Variants in C10orf90 observed in about 807,000 individuals in gnomAD.
C10orf90 encodes chromosome 10 open reading frame 90, also known as (E2-independent) E3 ubiquitin-conjugating enzyme FATS.
In C10orf90, 56 loss-of-function variants were observed where a neutral mutation model predicts 62.5. That is an observed-to-expected ratio of 0.90 (90% CI 0.72 to 1.12). The LOEUF is 1.12. Ranked by LOEUF, C10orf90 falls within the 50% of genes most tolerant of loss-of-function variation. C10orf90 has a pLI of 0.00. For synonymous variants in C10orf90, 386 were observed against 340.4 expected, an observed-to-expected ratio of 1.13 and a Z score of -1.47; for missense variants, 970 against 880.4, an observed-to-expected ratio of 1.10 and a Z score of -1.29.
chr10:126,497,864 G>A (rs759768954), intron 4 of C10orf90, among the ~76,000 whole-genome samples: 6 of 152,148 alleles, frequency 3.9e-5, no homozygotes, highest in Non-Finnish European at 7.4e-5. Context: ...GGCTGGACTC[G>A]GCCTCCTGGT....
chr10:126,559,386 G>A (rs1252293494), intron 2 of C10orf90, among the ~76,000 whole-genome samples: 2 of 152,134 alleles, frequency 1.3e-5, no homozygotes, highest in Non-Finnish European at 2.9e-5. Context: ...ATGGACACCT[G>A]ATATCCCTTC....
chr10:126,466,276 G>A (rs115238065), intron 4 of C10orf90, among the ~76,000 whole-genome samples: 2,454 of 152,032 alleles, frequency 0.016, 75 homozygotes, highest in African/African-American at 0.056. Context: ...TTGCTTGGGA[G>A]GCCGAGGCGG....
At position 126,497,184 on chromosome 10, in the gene C10orf90, T is replaced by C. The variant is rs374917228; in HGVS notation, c.1534+6773A>G. The stretch of plus-strand genomic sequence containing the variant: ...AAAATGACCAGCACAGGAGCACCTG[T>C]TCTTGCTGCTGATGGGAAAGGTGGC... On this transcript the variant is annotated intron_variant, in intron 4 of 9. Transcript: ENST00000488181. Among the ~76,000 whole-genome samples the C allele has an allele frequency of 1.1e-4, 17 of 152,254 alleles. No individual in the cohort carries two copies. The South Asian group carries it at 2.1e-3, about 19-fold the overall frequency.
chr10:126,594,316 A>C (rs1370106), intron 2 of C10orf90, among the ~76,000 whole-genome samples: 16,744 of 152,090 alleles, frequency 0.11, 1,658 homozygotes, highest in African/African-American at 0.24. Context: ...TGATTGTGTG[A>C]TATATATGTA....
At chr10:126,480,586 C>T (rs979132821) in intron 4 of C10orf90, among the ~76,000 whole-genome samples, 8 of 152,344 alleles carry the variant, frequency 5.3e-5, no homozygotes, top group South Asian at 2.1e-4. Flanking sequence ...GAACATACAG[C>T]GGCCTGCCCA....
chr10:126,504,467 G>T lies in C10orf90; in HGVS notation c.1024C>A (p.Pro342Thr). The T allele has an allele frequency of 6.2e-7, 1 of 1,614,186 alleles. No individual in the cohort carries two copies. Among genetic ancestry groups the T allele is most frequent in the Non-Finnish European group, 8.5e-7 (1 of 1,180,034 alleles). The change falls in exon 4 of 10, where the codon CCG becomes ACG. Residue 342 changes from proline to threonine, a missense_variant. By Grantham distance (38) the Pro-to-Thr change is conservative (BLOSUM62 -1). Transcript: ENST00000488181. This position sits in a 1 kb window ranked among gnomAD's most constrained non-coding sequence, Gnocchi z 4.1. The part of the protein sequence containing the change: ...SPDTPLSGKS[P>T]LVFSSCVHLR... ...TGGACACAGGAACTGAACACCAGCG[G>T]GCTCTTTCCTGACAGTGGGGTGTCT...
intron 7 of C10orf90, among the ~76,000 whole-genome samples, chr10:126,444,856 A>G (rs1450388718): frequency 6.6e-6 from 1 of 152,092 alleles, no homozygotes; most frequent in Non-Finnish European, 1.5e-5. Flanking sequence ...AGAGAACCCA[A>G]AAATAAGCTC....
chr10:126,621,425 C>T (rs1311173144), intron 2 of C10orf90, among the ~76,000 whole-genome samples: 1 of 152,174 alleles, frequency 6.6e-6, no homozygotes, highest in Non-Finnish European at 1.5e-5. Context: ...GAACTTGTGA[C>T]CCTTCATGTC....
chr10:126,520,985 T>C, intron 2 of C10orf90: 1 of 258,344 alleles, frequency 3.9e-6, no homozygotes, highest in Non-Finnish European at 7.3e-6. Flanking sequence ...CAAATGGCCC[T>C]TATCCCAATA....
rs376335766 is a variant in C10orf90, at chr10:126,601,657, A to G, written c.313+44908T>C. The stretch of plus-strand genomic sequence containing the variant: ...TAAATAGTATAAAGTGATTTTTCTA[A>G]TTATACCCTAGAATTCAGAGGCTGA... On this transcript the variant is annotated intron_variant, in intron 2 of 9. Transcript: ENST00000488181. 5.3e-5 allele frequency among the ~76,000 whole-genome samples: 8 copies of G among 152,324 alleles called. No individual in the cohort carries two copies. In the South Asian group the frequency reaches 1.2e-3, roughly 24 times the overall value.
intron 2 of C10orf90, among the ~76,000 whole-genome samples, chr10:126,515,582 A>G (rs1230011434): frequency 2.0e-5 from 3 of 152,208 alleles, no homozygotes; most frequent in Admixed American, 2.0e-4. Flanking sequence ...AGGAGGCTAT[A>G]CCATCTAGGT....
chr10:126,556,371 G>A (rs763957870), intron 2 of C10orf90, among the ~76,000 whole-genome samples: 1 of 152,092 alleles, frequency 6.6e-6, no homozygotes, highest in African/African-American at 2.4e-5. Context: ...AATAGAACAC[G>A]GGCAGTTTCT....
chr10:126,561,192 T>G (rs7080945), intron 2 of C10orf90, among the ~76,000 whole-genome samples: 137,283 of 152,254 alleles, frequency 0.9, 62,018 homozygotes, highest in Middle Eastern at 0.94. Context: ...ATCAGGAGAC[T>G]TCTGGAAGAA....
intron 8 of C10orf90, among the ~76,000 whole-genome samples, chr10:126,429,547 T>C (rs1857451049): frequency 6.6e-6 from 1 of 152,222 alleles, no homozygotes; most frequent in Non-Finnish European, 1.5e-5. Flanking sequence ...AATTACTGGA[T>C]TGGTTCAGAA....
At chr10:126,661,099 T>C (rs1185517496) in intron 1 of C10orf90, among the ~76,000 whole-genome samples, 1 of 152,204 alleles carries the variant, frequency 6.6e-6, no homozygotes, top group Non-Finnish European at 1.5e-5. Flanking sequence ...TATCTAATCA[T>C]ATGTGTGTTG....
intron 4 of C10orf90, among the ~76,000 whole-genome samples, chr10:126,475,991 C>A (rs958649387): frequency 1.2e-4 from 19 of 152,146 alleles, no homozygotes; most frequent in Non-Finnish European, 2.6e-4. Context: ...ACAGGCTTAC[C>A]TCGCACAAAA....
intron 4 of C10orf90, among the ~76,000 whole-genome samples, chr10:126,484,740 T>C (rs758403538): frequency 5.9e-5 from 9 of 152,092 alleles, no homozygotes; most frequent in Non-Finnish European, 1.3e-4. Flanking sequence ...AACATAAACA[T>C]AGGTATAGTC....
At chr10:126,490,013 T>TA (rs1564827964) in intron 4 of C10orf90, among the ~76,000 whole-genome samples, 5 of 74,330 alleles carry the variant, frequency 6.7e-5, no homozygotes, top group East Asian at 7.4e-4. Context: ...ATTATATATA[T>TA]TATATATAAT....
chr10:126,640,932 A>T (rs1321057177), intron 2 of C10orf90, among the ~76,000 whole-genome samples: 1 of 152,244 alleles, frequency 6.6e-6, no homozygotes, highest in African/African-American at 2.4e-5. Context: ...TGTTGAATAC[A>T]TGGCTTCTCC....
Sources: gnomAD v4.1 joint callset for allele counts (sites outside exome capture counted in the v4.1 genomes callset) on GRCh38, gnomAD v4.1.1 for gene constraint, Gnocchi (gnomAD v3.1) non-coding constraint, MANE v1.5 for transcripts, NCBI Gene and HGNC (gene_info 2026-07-23, HGNC 2026-07-21) for gene names.